Variants in GAS6 observed in about 807,000 individuals in gnomAD.
GAS6 encodes growth arrest-specific protein 6.
In GAS6, 41 loss-of-function variants were observed where a neutral mutation model predicts 75.8. The ratio of observed to expected loss-of-function variants is 0.54; its 90% CI spans 0.42 to 0.70. The LOEUF (loss-of-function observed/expected upper bound fraction) is 0.70, where lower values mean the gene tolerates loss of function less well. Ranked by LOEUF, GAS6 falls within the 30% of genes least tolerant of loss-of-function variation. The pLI is 0.00. For synonymous variants in GAS6, 432 were observed against 412.6 expected, an observed-to-expected ratio of 1.05 and a Z score of -0.57; for missense variants, 854 against 940.2, an observed-to-expected ratio of 0.91 and a Z score of 1.20.
In GAS6 at chr13:113,863,801, CG is replaced by C. The variant is rs1276638988; in HGVS notation, c.88+31del. On this transcript the variant is annotated intron_variant, in intron 1 of 14. Transcript: ENST00000327773. The surrounding 1 kb of genome is among the most constrained non-coding windows in gnomAD (Gnocchi z 9.4). ...GCGCCCGGAGCCTCCTCCCGCCGCC[CG>C]GGGACGGGGTCTCGGGCCCGCGGGA... 7.2e-7 allele frequency: 1 copy of C among 1,390,814 alleles called. No homozygotes were observed. Among genetic ancestry groups the C allele is most frequent in the South Asian group, 1.6e-5 (1 of 62,420 alleles). The allele number at this position is 1,390,814 out of a possible 1,614,324, so 86.2% of individuals were successfully genotyped here.
At chr13:113,859,630 ATC>A (rs947601233) in intron 2 of GAS6, among the ~76,000 whole-genome samples, 2 of 152,084 alleles carry the variant, frequency 1.3e-5, no homozygotes, top group Non-Finnish European at 2.9e-5. Flanking sequence ...GTGCATGTAT[ATC>A]TGTGTCTATG....
Position 113,848,101 on chromosome 13 carries a change from G to A in GAS6, c.256-51C>T, listed in dbSNP as rs1168447066. On this transcript the variant is annotated intron_variant, in intron 2 of 14. Coordinates refer to ENST00000327773, the MANE Select transcript of GAS6 (RefSeq NM_000820.4). This position sits in a 1 kb window ranked among gnomAD's most constrained non-coding sequence, Gnocchi z 4.8. ...AAGCATTGACCGGCACACTACGAGGGTCTCTGAACAACATAAGCATCAGCT... is the reference window on the plus strand; with the variant it reads ...AAGCATTGACCGGCACACTACGAGGATCTCTGAACAACATAAGCATCAGCT... The A allele has an allele frequency of 6.3e-7, 1 of 1,591,518 alleles. No homozygotes were observed. Among genetic ancestry groups the A allele is most frequent in the African/African-American group, 1.4e-5 (1 of 73,926 alleles).
rs527796100 is a variant in GAS6 at position 113,834,632 on chromosome 13, G to A, written c.753C>T (p.Cys251=). Residue 251 remains cysteine, a synonymous_variant, in exon 8 of 15, where the codon TGC becomes TGT. Coordinates refer to ENST00000327773, the MANE Select transcript of GAS6 (RefSeq NM_000820.4). ...ECLQGRCEQV[C]VNSPGSYTCH... is the part of the protein sequence containing the mutation. ...AGGTGTAGCTCCCTGGGGAGTTCAC[G>A]CAGACCTGCTCACAGCGGCCCTGCA... is the stretch of plus-strand genomic sequence containing the variant. 46 of 1,607,114 alleles carry A rather than the reference G, an allele frequency of 2.9e-5. No homozygotes were observed. Among genetic ancestry groups the A allele is most frequent in the South Asian group, 2.2e-4 (20 of 90,518 alleles).
chr13:113,838,823 T>C (rs1238254529), intron 5 of GAS6, among the ~76,000 whole-genome samples: 1 of 133,970 alleles, frequency 7.5e-6, no homozygotes, highest in African/African-American at 2.8e-5. Context: ...GGAGAGAGCC[T>C]GGGAGTGCAC....
chr13:113,844,495 C>T lies in GAS6; in HGVS notation c.343+2032G>A, dbSNP rs913238533. 2.0e-5 allele frequency: 3 copies of T among 150,564 alleles called. No homozygotes were observed. Among genetic ancestry groups the T allele is most frequent in the East Asian group, 1.9e-4 (1 of 5,198 alleles). The allele number at this position is 150,564 out of a possible 1,614,324, so 9.3% of individuals were successfully genotyped here. On this transcript the variant is annotated intron_variant, in intron 4 of 14. Transcript: ENST00000327773. This position sits in a 1 kb window ranked among gnomAD's most constrained non-coding sequence, Gnocchi z 5.7. ...ACAGGAAGAAAAGTGCTCCAAGGGA[C>T]GGACAGGACGGTGCCGGGGTTAGGA...
rs372126874 is a variant in GAS6 at position 113,848,100 on chromosome 13, G to T, written c.256-50C>A. On this transcript the variant is annotated intron_variant, in intron 2 of 14. Coordinates refer to ENST00000327773, the MANE Select transcript of GAS6 (RefSeq NM_000820.4). The surrounding 1 kb of genome is among the most constrained non-coding windows in gnomAD (Gnocchi z 4.8). ...CAAGCATTGACCGGCACACTACGAG[G>T]GTCTCTGAACAACATAAGCATCAGC... The T allele has an allele frequency of 1.9e-6, 3 of 1,596,416 alleles. No homozygotes were observed. The African/African-American group carries it at 4.1e-5, about 22-fold the overall frequency.
At chr13:113,833,534 C>T in intron 8 of GAS6, 12 of 998,540 alleles carry the variant, frequency 1.2e-5, no homozygotes, top group Non-Finnish European at 1.4e-5. Context: ...GCCGCCCTGC[C>T]CAGAAACGTC....
chr13:113,839,068 G>A (rs558053432), intron 5 of GAS6: 3 of 160,496 alleles, frequency 1.9e-5, no homozygotes, highest in Admixed American at 6.1e-5. Flanking sequence ...CTCCCTGGAT[G>A]CCCATGTGCT....
intron 2 of GAS6, among the ~76,000 whole-genome samples, chr13:113,859,674 G>A (rs1489611859): frequency 6.6e-6 from 1 of 152,136 alleles, no homozygotes; most frequent in Non-Finnish European, 1.5e-5. Context: ...ATGTGTCTAG[G>A]TAGGGGTGTG....
chr13:113,861,216 C>T (rs1044876664), intron 2 of GAS6, among the ~76,000 whole-genome samples: 1 of 152,178 alleles, frequency 6.6e-6, no homozygotes, highest in Non-Finnish European at 1.5e-5. Flanking sequence ...TTCCCTCCCT[C>T]GTAGGAGCCT....
Position 113,820,959 on chromosome 13 carries a change from C to T in GAS6, c.1942G>A (p.Val648Ile). ...TCCAGGTCCAGCAGCCTCCGGTTGACCTCCAGTGTCATGCAGCCGCGGTAG... is the reference window on the plus strand; with the variant it reads ...TCCAGGTCCAGCAGCCTCCGGTTGATCTCCAGTGTCATGCAGCCGCGGTAG... ...AFYRGCMTLEVNRRLLDLDEA... is the reference protein window; with the variant it reads ...AFYRGCMTLEINRRLLDLDEA... Residue 648 changes from valine (V) to isoleucine (I), a missense_variant, in exon 15 of 15, where the codon GTC becomes ATC. Physicochemically the swap from Val to Ile is conservative, Grantham distance 29. Coordinates refer to ENST00000327773, the MANE Select transcript of GAS6 (RefSeq NM_000820.4). 1 of 1,612,746 alleles carries T rather than the reference C, an allele frequency of 6.2e-7. No homozygotes were observed. Among genetic ancestry groups the T allele is most frequent in the Middle Eastern group, 1.7e-4 (1 of 6,020 alleles).
chr13:113,833,607 CACCGGTGTGACAG>C (rs1443197084), intron 8 of GAS6: 2 of 903,470 alleles, frequency 2.2e-6, no homozygotes, highest in Non-Finnish European at 2.6e-6. Context: ...GTGTGACAGG[CACCGGTGTGACAG>C]GTCGGTGTGA....
chr13:113,862,324 T>C (rs1403667565), intron 2 of GAS6, among the ~76,000 whole-genome samples: 1 of 152,150 alleles, frequency 6.6e-6, no homozygotes, highest in African/African-American at 2.4e-5. Flanking sequence ...CCACAGTCCC[T>C]GTGCACGCAG....
intron 8 of GAS6, 35 bp from the exon 9 acceptor site, chr13:113,832,787 T>C: frequency 1.2e-6 from 2 of 1,611,640 alleles, no homozygotes; most frequent in South Asian, 1.1e-5. Flanking sequence ...GTCGGGGATG[T>C]GGCCTTCACT....
intron 14 of GAS6, chr13:113,821,689 G>C (rs2051460950): frequency 2.1e-6 from 1 of 485,690 alleles, no homozygotes; most frequent in Admixed American, 3.8e-5. Flanking sequence ...GTGGACGAAT[G>C]CTCCCTGAAG....
chr13:113,823,006 G>C (rs533541233), intron 13 of GAS6: 1 of 175,900 alleles, frequency 5.7e-6, no homozygotes, highest in South Asian at 1.8e-4. Context: ...TCACAGATCC[G>C]ACTTTTCCAG....
chr13:113,846,046 C>T (rs1165945025), intron 4 of GAS6, among the ~76,000 whole-genome samples: 1 of 152,236 alleles, frequency 6.6e-6, no homozygotes. Flanking sequence ...AGCCAATATG[C>T]ATGGGCTAAG....
At chr13:113,851,614 A>G (rs1047844518) in intron 2 of GAS6, among the ~76,000 whole-genome samples, 1 of 151,512 alleles carries the variant, frequency 6.6e-6, no homozygotes, top group African/African-American at 2.4e-5. Context: ...TGAATAAATG[A>G]AGGAATGAGT....
At chr13:113,841,356 G>A (rs2051773068) in intron 4 of GAS6, 2 of 152,860 alleles carry the variant, frequency 1.3e-5, no homozygotes, top group African/African-American at 4.8e-5. Flanking sequence ...GCTTCTTGGG[G>A]AAGCTGCCCA....
Sources: gnomAD v4.1 joint callset for allele counts (sites outside exome capture counted in the v4.1 genomes callset) on GRCh38, gnomAD v4.1.1 for gene constraint, Gnocchi (gnomAD v3.1) non-coding constraint, MANE v1.5 for transcripts, NCBI Gene and HGNC (gene_info 2026-07-23, HGNC 2026-07-21) for gene names.